Variants in TNFAIP8L1 observed in about 807,000 individuals in gnomAD.
TNFAIP8L1 encodes the protein TNF alpha induced protein 8 like 1, also known as tumor necrosis factor alpha-induced protein 8-like protein 1.
For synonymous variants in TNFAIP8L1, 127 were observed against 125.6 expected, an observed-to-expected ratio of 1.01 and a Z score of -0.08; for missense variants, 225 against 266.1, an observed-to-expected ratio of 0.85 and a Z score of 1.08.
chr19:4,649,959 C>T (rs1451068437), intron 1 of TNFAIP8L1, among the ~76,000 whole-genome samples: 1 of 152,218 alleles, frequency 6.6e-6, no homozygotes, highest in Non-Finnish European at 1.5e-5. Flanking sequence ...CATGGCATTC[C>T]AAGGCTGGCA....
At chr19:4,643,149 C>G (rs375521759) in intron 1 of TNFAIP8L1, among the ~76,000 whole-genome samples, 3 of 151,576 alleles carry the variant, frequency 2.0e-5, no homozygotes, top group East Asian at 1.9e-4. Flanking sequence ...CATGGTGGCA[C>G]GTGTCTGTAA....
intron 1 of TNFAIP8L1, among the ~76,000 whole-genome samples, chr19:4,644,556 G>T (rs1359846600): frequency 1.4e-5 from 2 of 141,580 alleles, no homozygotes; most frequent in African/African-American, 5.3e-5. Context: ...AAAAAAAAAT[G>T]AATAAATAAA....
intron 1 of TNFAIP8L1, among the ~76,000 whole-genome samples, chr19:4,648,988 G>A (rs1306702311): frequency 1.3e-5 from 2 of 148,204 alleles, no homozygotes; most frequent in African/African-American, 2.5e-5. Flanking sequence ...GGAGTCCAGT[G>A]GTGTGATCTC....
At chr19:4,650,793 C>T (rs1027072306) in intron 1 of TNFAIP8L1, among the ~76,000 whole-genome samples, 5 of 152,130 alleles carry the variant, frequency 3.3e-5, no homozygotes, top group East Asian at 1.9e-4. Flanking sequence ...CTGGCTCACT[C>T]GGGGCTGAAG....
In TNFAIP8L1 at chr19:4,653,453, C is replaced by CAAA; in HGVS notation, c.*1031_*1033dup. 6.3e-6 allele frequency: 1 copy of CAAA among 158,250 alleles called. No individual in the cohort carries two copies. The highest frequency in any genetic ancestry group is 1.5e-5 in the Non-Finnish European group (1 of 66,024). The allele number at this position is 158,250 out of a possible 1,614,324, so 9.8% of individuals were successfully genotyped here. A position where few individuals can be genotyped will look rare whatever the true frequency, so the allele number is the denominator to read the frequency against. On this transcript the variant is annotated 3_prime_UTR_variant, in exon 2 of 2. Transcript: ENST00000327473. ...CAACATGGTGAGACCCTCGTCTCTA[C>CAAA]AAAAAAAAAATTATCGTGGTGGGCC...
In TNFAIP8L1 at chr19:4,652,424, C is replaced by A. The variant is rs2088378558; in HGVS notation, c.555C>A (p.Ser185Arg). 1 of 1,520,034 alleles carries A rather than the reference C, an allele frequency of 6.6e-7. No homozygotes were observed. The allele number at this position is 1,520,034 out of a possible 1,614,324, so 94.2% of individuals were successfully genotyped here. The change falls in exon 2 of 2, where the codon AGC becomes AGA. Residue 185 changes from serine to arginine, a missense_variant. By Grantham distance (110) the Ser-to-Arg change is moderately radical (BLOSUM62 -1). Transcript: ENST00000327473. Reference sequence around the variant, plus strand: ...TGGGCCGGATGCTGGACGAGGGCAGCCTCTGAACCCCGGCGCCGCCCAACC... The same window carrying A: ...TGGGCCGGATGCTGGACGAGGGCAGACTCTGAACCCCGGCGCCGCCCAACC... The part of the protein sequence containing the change: ...EGLGRMLDEG[S>R]L
Position 4,646,232 on chromosome 19 carries a change from C to T in TNFAIP8L1, c.-3-5635C>T, listed in dbSNP as rs567719558. 2.0e-5 allele frequency among the ~76,000 whole-genome samples: 3 copies of T among 151,960 alleles called. No homozygotes were observed. In the South Asian group the frequency reaches 6.3e-4, roughly 32 times the overall value. On this transcript the variant is annotated intron_variant, in intron 1 of 1. Transcript: ENST00000327473. ...CCGCCTCCCAGGTTCAAGCGGTTCTCCTGCCTCAGTCTCCCGAGTAGCTGG... is the reference window on the plus strand; with the variant it reads ...CCGCCTCCCAGGTTCAAGCGGTTCTTCTGCCTCAGTCTCCCGAGTAGCTGG...
At chr19:4,649,329 G>A (rs1450526315) in intron 1 of TNFAIP8L1, among the ~76,000 whole-genome samples, 1 of 151,998 alleles carries the variant, frequency 6.6e-6, no homozygotes. Flanking sequence ...TCCAGGCAGT[G>A]GTTGCAGCCT....
At chr19:4,651,739 C>A (rs540925262) in intron 1 of TNFAIP8L1, 128 bp from the exon 2 acceptor site, 2 of 1,075,578 alleles carry the variant, frequency 1.9e-6, no homozygotes, top group Middle Eastern at 3.2e-4. Flanking sequence ...TGAGCCACTG[C>A]GTCCGGCATG....
intron 1 of TNFAIP8L1, among the ~76,000 whole-genome samples, chr19:4,648,840 C>T (rs377715326): frequency 6.6e-6 from 1 of 151,972 alleles, no homozygotes; most frequent in East Asian, 1.9e-4. Flanking sequence ...TTTTCCTCTT[C>T]GAGTCCCCTC....
rs1344030034 is a variant in TNFAIP8L1, at chr19:4,645,144, G to A, written c.-4+5515G>A. Among the ~76,000 whole-genome samples the A allele has an allele frequency of 2.0e-5, 3 of 152,304 alleles. No individual in the cohort carries two copies. In the East Asian group the frequency reaches 5.8e-4, roughly 29 times the overall value. On this transcript the variant is annotated intron_variant, in intron 1 of 1. Coordinates refer to ENST00000327473, the MANE Select transcript of TNFAIP8L1 (RefSeq NM_152362.3). The surrounding 1 kb of genome is among the most constrained non-coding windows in gnomAD (Gnocchi z 4.1). ...TCATGGGACAGGGGTGGGGACGGCA[G>A]GGACTTGTGACATAATTGCAGCCAG...
intron 1 of TNFAIP8L1, among the ~76,000 whole-genome samples, chr19:4,642,938 G>C (rs1314334484): frequency 6.6e-6 from 1 of 152,052 alleles, no homozygotes; most frequent in Admixed American, 6.6e-5. Context: ...GGGGATAGAT[G>C]GTGCTGAGGG....
rs772982234 is a variant in TNFAIP8L1 at position 4,652,322 on chromosome 19, C to T, written c.453C>T (p.Ala151=). The change falls in exon 2 of 2, where the codon GCC becomes GCT. Residue 151 remains alanine, a synonymous_variant. Coordinates refer to ENST00000327473, the MANE Select transcript of TNFAIP8L1 (RefSeq NM_152362.3). ...GRINHVFGHL[A]DCDFLAALYG... Reference sequence around the variant, plus strand: ...TCAACCACGTGTTCGGCCACCTAGCCGACTGCGACTTCCTGGCTGCGCTCT... The same window carrying T: ...TCAACCACGTGTTCGGCCACCTAGCTGACTGCGACTTCCTGGCTGCGCTCT... 4 of 1,557,068 alleles carry T rather than the reference C, an allele frequency of 2.6e-6. No individual in the cohort carries two copies. Among genetic ancestry groups the T allele is most frequent in the Non-Finnish European group, 1.7e-6 (2 of 1,153,032 alleles).
At chr19:4,648,002 T>C (rs993786103) in intron 1 of TNFAIP8L1, among the ~76,000 whole-genome samples, 1 of 152,058 alleles carries the variant, frequency 6.6e-6, no homozygotes, top group East Asian at 1.9e-4. Flanking sequence ...ATGGGATCTG[T>C]TTTGATGCCT....
intron 1 of TNFAIP8L1, among the ~76,000 whole-genome samples, chr19:4,642,782 G>A (rs1033828125): frequency 6.6e-6 from 1 of 152,044 alleles, no homozygotes; most frequent in African/African-American, 2.4e-5. Flanking sequence ...AGGGTGCGCA[G>A]GATCTTATGG....
At chr19:4,646,333 G>T (rs1199846354) in intron 1 of TNFAIP8L1, among the ~76,000 whole-genome samples, 1 of 149,718 alleles carries the variant, frequency 6.7e-6, no homozygotes, top group South Asian at 2.1e-4. Context: ...CACTATGTTG[G>T]CCAGGCTAGT....
At chr19:4,647,232 T>C (rs2088320260) in intron 1 of TNFAIP8L1, among the ~76,000 whole-genome samples, 1 of 152,218 alleles carries the variant, frequency 6.6e-6, no homozygotes, top group Admixed American at 6.5e-5. Context: ...TTCTCTTGGG[T>C]AGATCCCCCA....
rs1439904062 is a variant in TNFAIP8L1, at chr19:4,641,741, C to T, written c.-4+2112C>T. 1.3e-5 allele frequency: 2 copies of T among 152,212 alleles called. No individual in the cohort carries two copies. Among genetic ancestry groups the T allele is most frequent in the Admixed American group, 6.5e-5 (1 of 15,270 alleles). The allele number at this position is 152,212 out of a possible 1,614,324, so 9.4% of individuals were successfully genotyped here. A position where few individuals can be genotyped will look rare whatever the true frequency, so the allele number is the denominator to read the frequency against. Reference sequence around the variant, plus strand: ...GAGGGGATTACAGGACACAGTACTTCTAGAAGCTTCCTAAGGCTTCGATCC... The same window carrying T: ...GAGGGGATTACAGGACACAGTACTTTTAGAAGCTTCCTAAGGCTTCGATCC... On this transcript the variant is annotated intron_variant, in intron 1 of 1. Transcript: ENST00000327473. The surrounding 1 kb of genome is among the most constrained non-coding windows in gnomAD (Gnocchi z 4.6).
At position 4,655,495 on chromosome 19, in the gene TNFAIP8L1, T is replaced by C. The variant is rs1036393667; in HGVS notation, c.*3065T>C. On this transcript the variant is annotated 3_prime_UTR_variant, in exon 2 of 2. Coordinates refer to ENST00000327473, the MANE Select transcript of TNFAIP8L1 (RefSeq NM_152362.3). ...CCAGACAGTCTGGACTCTTGTAAAT[T>C]TGAGATTTAATTAAAGGAAACAAAC... 1 of 152,104 alleles carries C rather than the reference T, an allele frequency of 6.6e-6. No homozygotes were observed. The highest frequency in any genetic ancestry group is 2.4e-5 in the African/African-American group (1 of 41,388). 9.4% of individuals were successfully genotyped at this position (152,104 alleles called of 1,614,324 possible). A position where few individuals can be genotyped will look rare whatever the true frequency, so the allele number is the denominator to read the frequency against.
Sources: gnomAD v4.1 joint callset for allele counts (sites outside exome capture counted in the v4.1 genomes callset) on GRCh38, gnomAD v4.1.1 for gene constraint, Gnocchi (gnomAD v3.1) non-coding constraint, MANE v1.5 for transcripts, NCBI Gene and HGNC (gene_info 2026-07-23, HGNC 2026-07-21) for gene names.